PHLDB2: variants seen among roughly 807,000 people sequenced by gnomAD.
PHLDB2 encodes the protein pleckstrin homology like domain family B member 2.
PHLDB2 carries 71 observed loss-of-function variants against 123.6 expected under a neutral mutation model. The observed-to-expected ratio is 0.57, with a 90% CI of 0.47 to 0.70. The LOEUF is 0.70. Among genes scored for constraint, PHLDB2 ranks in the 30% least tolerant of loss-of-function variants. The pLI is 0.00. For missense variants in PHLDB2, 1,446 were observed against 1,519.5 expected (o/e 0.95, Z 0.80); for synonymous variants, 547 against 541.6 (o/e 1.01, Z -0.14).
At chr3:111,879,512 CTGGTCTTGA>C (rs2107304856) in intron 1 of PHLDB2, among the ~76,000 whole-genome samples, 1 of 152,168 alleles carries the variant, frequency 6.6e-6, no homozygotes, top group South Asian at 2.1e-4. Context: ...AGAGGAGGAG[CTGGTCTTGA>C]TGTCTCCAGG....
chr3:111,854,474 A>G (rs549736266), upstream of PHLDB2, among the ~76,000 whole-genome samples: 27 of 152,336 alleles, frequency 1.8e-4, no homozygotes, highest in Non-Finnish European at 3.4e-4. Flanking sequence ...CAGCACAAAC[A>G]ATTGTTCCAT....
At chr3:111,927,892 C>T (rs906897085) in intron 5 of PHLDB2, among the ~76,000 whole-genome samples, 3 of 152,176 alleles carry the variant, frequency 2.0e-5, no homozygotes, top group African/African-American at 7.2e-5. Flanking sequence ...ATTAAATTTG[C>T]TTATTCCTTC....
At chr3:111,843,031 T>C (rs1359438430) in intron 1 of PHLDB2, among the ~76,000 whole-genome samples, 1 of 152,240 alleles carries the variant, frequency 6.6e-6, no homozygotes, top group Admixed American at 6.5e-5. Flanking sequence ...TTTCCATTTT[T>C]TGCTATTACA....
chr3:111,883,451 G>A (rs1224101985), intron 1 of PHLDB2, among the ~76,000 whole-genome samples: 1 of 152,116 alleles, frequency 6.6e-6, no homozygotes. Context: ...AATAATTGGT[G>A]GAATACCCTT....
At chr3:111,972,000 T>C (rs2072222996) in intron 16 of PHLDB2, among the ~76,000 whole-genome samples, 1 of 152,226 alleles carries the variant, frequency 6.6e-6, no homozygotes, top group African/African-American at 2.4e-5. Context: ...AATAGCATCA[T>C]TGCTTCTCTT....
intron 14 of PHLDB2, 102 bp downstream of exon 14, chr3:111,966,805 G>T: frequency 2.5e-6 from 2 of 801,860 alleles, no homozygotes; most frequent in Admixed American, 2.6e-5. Context: ...GTGTGTTCCT[G>T]GAATAAATCA....
intron 1 of PHLDB2, among the ~76,000 whole-genome samples, chr3:111,742,970 A>G (rs578108627): frequency 3.0e-4 from 45 of 152,324 alleles, no homozygotes; most frequent in African/African-American, 1.0e-3. Flanking sequence ...AAATGAACCA[A>G]TAAAGGAGCC....
chr3:111,895,837 A>T (rs1410720413), intron 2 of PHLDB2, among the ~76,000 whole-genome samples: 1 of 143,376 alleles, frequency 7.0e-6, no homozygotes, highest in Non-Finnish European at 1.5e-5. Context: ...CAAAAGAGTG[A>T]AACTCAGTCA....
At chr3:111,739,580 A>AC (rs56209523) in intron 1 of PHLDB2, among the ~76,000 whole-genome samples, 46,184 of 77,950 alleles carry the variant, frequency 0.59, 8,822 homozygotes, top group East Asian at 0.65. Context: ...AGTTAAAAAA[A>AC]AAAAAAACAA....
chr3:111,747,246 A>G (rs1466243425), intron 1 of PHLDB2, among the ~76,000 whole-genome samples: 1 of 152,176 alleles, frequency 6.6e-6, no homozygotes, highest in Non-Finnish European at 1.5e-5. Flanking sequence ...AAAGTATTAC[A>G]TATATTTAGG....
chr3:111,942,639 C>T (rs1427930472), intron 8 of PHLDB2, among the ~76,000 whole-genome samples: 1 of 151,900 alleles, frequency 6.6e-6, no homozygotes, highest in African/African-American at 2.4e-5. Flanking sequence ...GCATAAAATG[C>T]CTCCCAAGCA....
intron 1 of PHLDB2, among the ~76,000 whole-genome samples, chr3:111,819,900 A>G (rs550610412): frequency 6.6e-6 from 1 of 152,376 alleles, no homozygotes; most frequent in Admixed American, 6.5e-5. Context: ...GAAACCAAAC[A>G]AGGTTGACAA....
chr3:111,865,683 A>C (rs1003865793), intron 1 of PHLDB2, among the ~76,000 whole-genome samples: 1 of 152,122 alleles, frequency 6.6e-6, no homozygotes, highest in Non-Finnish European at 1.5e-5. Flanking sequence ...CTGGCAGCCT[A>C]TCCAGTGTTC....
In PHLDB2 at chr3:111,945,364, T is replaced by G. The variant is rs1006013399; in HGVS notation, c.2487+7T>G. On this transcript the variant is annotated splice_region_variant and intron_variant, in intron 9 of 17. Transcript: ENST00000431670. ...CCCCAATACTTTAAAAGAGGTAAGC[T>G]ATGATTTTACATGTCGCTTTATGTT... 3 of 1,575,568 alleles carry G rather than the reference T, an allele frequency of 1.9e-6. No homozygotes were observed. Among genetic ancestry groups the G allele is most frequent in the Non-Finnish European group, 2.6e-6 (3 of 1,146,974 alleles).
intron 1 of PHLDB2, among the ~76,000 whole-genome samples, chr3:111,827,108 A>G (rs1387162422): frequency 6.6e-6 from 1 of 152,228 alleles, no homozygotes; most frequent in Non-Finnish European, 1.5e-5. Context: ...ATAATTTCTC[A>G]CCTAGAACAA....
At chr3:111,929,419 A>G (rs923819928) in intron 5 of PHLDB2, among the ~76,000 whole-genome samples, 1 of 152,168 alleles carries the variant, frequency 6.6e-6, no homozygotes, top group African/African-American at 2.4e-5. Flanking sequence ...GGTGGAAGAG[A>G]AAAACCTCAA....
chr3:111,842,388 G>A (rs2063734474), intron 1 of PHLDB2, among the ~76,000 whole-genome samples: 1 of 152,170 alleles, frequency 6.6e-6, no homozygotes, highest in African/African-American at 2.4e-5. Flanking sequence ...AGGGTGGTAT[G>A]TGTGTTACAA....
intron 2 of PHLDB2, among the ~76,000 whole-genome samples, chr3:111,853,314 A>T (rs1479526200): frequency 6.6e-6 from 1 of 152,220 alleles, no homozygotes; most frequent in African/African-American, 2.4e-5. Flanking sequence ...ACAGTTGCAG[A>T]TCCAATGTGA....
intron 1 of PHLDB2, chr3:111,859,921 A>C (rs898278708): frequency 4.1e-6 from 4 of 982,638 alleles, no homozygotes; most frequent in Non-Finnish European, 4.8e-6. Flanking sequence ...GCTTCTTTAC[A>C]GGCTGTAGGG....
Sources: allele counts gnomAD v4.1 joint callset (sites outside exome capture counted in the v4.1 genomes callset), GRCh38; gene constraint gnomAD v4.1.1; transcripts MANE v1.5; gene names NCBI Gene and HGNC (gene_info 2026-07-23, HGNC 2026-07-21).